The following STK32C variants were observed in gnomAD, a reference collection of about 807,000 sequenced individuals.
The protein encoded by STK32C is serine/threonine kinase 32C, also known as serine/threonine-protein kinase 32C.
STK32C carries 31 observed loss-of-function variants against 56.5 expected under a neutral mutation model. That is an observed-to-expected ratio of 0.55 (90% confidence interval 0.41 to 0.74). The LOEUF (loss-of-function observed/expected upper bound fraction) is 0.74. STK32C is among the 30% of genes least tolerant of loss of function. The pLI, the probability that STK32C is intolerant of heterozygous loss-of-function variation, is 0.00. For missense variants in STK32C, 544 were observed against 676.9 expected (o/e 0.80, Z 2.18); for synonymous variants, 309 against 289.4 (o/e 1.07, Z -0.69).
chr10:132,328,798 C>T (rs1453367128), intron 1 of STK32C, among the ~76,000 whole-genome samples: 1 of 152,232 alleles, frequency 6.6e-6, no homozygotes, highest in Admixed American at 6.5e-5. Context: ...ACTTCTGCAG[C>T]GATATCTGGA....
chr10:132,267,414 G>A (rs2064581652), intron 1 of STK32C, among the ~76,000 whole-genome samples: 1 of 152,298 alleles, frequency 6.6e-6, no homozygotes, highest in Non-Finnish European at 1.5e-5. Flanking sequence ...TATGTTTCTG[G>A]GGCTACAGTT....
At chr10:132,319,247 T>G (rs1406085414), downstream of STK32C, among the ~76,000 whole-genome samples, 1 of 152,150 alleles carries the variant, frequency 6.6e-6, no homozygotes, top group Non-Finnish European at 1.5e-5. Context: ...CCACGCCCAG[T>G]CATGATACAG....
chr10:132,225,819 A>G (rs765326155), intron 4 of STK32C, 35 bp from the exon 5 acceptor site: 2 of 1,606,142 alleles, frequency 1.2e-6, no homozygotes, highest in African/African-American at 1.5e-5. Context: ...GTGAGTTGGG[A>G]ATCTGCCCTG....
intron 2 of STK32C, among the ~76,000 whole-genome samples, chr10:132,233,734 G>A (rs2063178704): frequency 6.6e-6 from 1 of 152,238 alleles, no homozygotes; most frequent in African/African-American, 2.4e-5. Context: ...GCCAGGCAGG[G>A]GCACTCAGCC....
intron 2 of STK32C, among the ~76,000 whole-genome samples, chr10:132,245,074 A>G (rs1047818887): frequency 1.3e-5 from 2 of 152,194 alleles, no homozygotes; most frequent in Admixed American, 6.5e-5. Flanking sequence ...TTTGCTATAC[A>G]ATGAAATGGA....
rs557485636 is a variant in STK32C, at chr10:132,239,562, C to T, written c.318+6338G>A. On this transcript the variant is annotated intron_variant, in intron 2 of 11. Transcript: ENST00000298630. ...CGCAGAGGGCTCCTGCTGCCCTGAG[C>T]GGGGTGGCCAGGCAGTGGGCTGGTG... Among the ~76,000 whole-genome samples, 9 of 152,328 alleles carry T rather than the reference C, an allele frequency of 5.9e-5. No individual in the cohort carries two copies. In the South Asian group the frequency reaches 1.0e-3, roughly 18 times the overall value.
intron 2 of STK32C, among the ~76,000 whole-genome samples, chr10:132,243,862 C>T (rs2063592722): frequency 6.6e-6 from 1 of 152,118 alleles, no homozygotes; most frequent in Admixed American, 6.5e-5. Flanking sequence ...GGGATCCCAC[C>T]CCTCAACCCG....
intron 2 of STK32C, among the ~76,000 whole-genome samples, chr10:132,235,493 T>TCAAAAAAAAAAAAAAAAA: frequency 1.4e-5 from 1 of 72,410 alleles, no homozygotes; most frequent in Non-Finnish European, 2.6e-5. Context: ...AGACTCAGCC[T>TCAAAAAAAAAAAAAAAAA]TAAAAAAAAA....
At chr10:132,208,791 G>A (rs541333401) in intron 11 of STK32C, among the ~76,000 whole-genome samples, 1 of 152,266 alleles carries the variant, frequency 6.6e-6, no homozygotes, top group Middle Eastern at 3.4e-3. Flanking sequence ...CCTCATCTGG[G>A]CAAATGATGT....
intron 1 of STK32C, among the ~76,000 whole-genome samples, chr10:132,284,230 C>T (rs74161769): frequency 0.027 from 3,987 of 149,194 alleles, 180 homozygotes; most frequent in African/African-American, 0.094. Flanking sequence ...TGGGAAGCCC[C>T]GCAGGAAACG....
intron 1 of STK32C, among the ~76,000 whole-genome samples, chr10:132,325,499 G>A (rs1157245820): frequency 6.6e-6 from 1 of 151,058 alleles, no homozygotes; most frequent in Non-Finnish European, 1.5e-5. Flanking sequence ...CTTCCAGTGA[G>A]CCGAGATCGC....
At chr10:132,245,810 G>A in intron 2 of STK32C, 90 bp downstream of exon 2, 1 of 1,315,364 alleles carries the variant, frequency 7.6e-7, no homozygotes, top group East Asian at 2.3e-5. Flanking sequence ...AAGGAGGATG[G>A]GAGTAGGTGG....
chr10:132,284,519 C>G (rs930568709), intron 1 of STK32C, among the ~76,000 whole-genome samples: 1 of 152,068 alleles, frequency 6.6e-6, no homozygotes, highest in Non-Finnish European at 1.5e-5. Context: ...GGACTCTGAG[C>G]ACCCATGACA....
intron 1 of STK32C, among the ~76,000 whole-genome samples, chr10:132,329,406 CCT>C (rs200295361): frequency 0.014 from 2,180 of 152,062 alleles, 42 homozygotes; most frequent in South Asian, 0.042. Flanking sequence ...AGACTGAGAC[CCT>C]GTCTCAAAAA....
At chr10:132,226,659 G>A (rs1330344808) in intron 4 of STK32C, 136 bp downstream of exon 4, 2 of 1,023,156 alleles carry the variant, frequency 2.0e-6, no homozygotes, top group African/African-American at 3.2e-5. Context: ...GCTGGGGGCA[G>A]GCACTCAGGC....
chr10:132,244,929 C>G (rs550919610), intron 2 of STK32C, among the ~76,000 whole-genome samples: 1 of 152,280 alleles, frequency 6.6e-6, no homozygotes, highest in East Asian at 1.9e-4. Context: ...GGTCCACGGG[C>G]GCCTCCCAAC....
intron 10 of STK32C, among the ~76,000 whole-genome samples, chr10:132,220,223 G>A (rs1321747241): frequency 6.6e-6 from 1 of 152,234 alleles, no homozygotes; most frequent in East Asian, 1.9e-4. Context: ...AGGAGATGGA[G>A]ACGCACACAC....
At chr10:132,233,263 C>A (rs891766913) in intron 2 of STK32C, among the ~76,000 whole-genome samples, 1 of 152,068 alleles carries the variant, frequency 6.6e-6, no homozygotes, top group Non-Finnish European at 1.5e-5. Flanking sequence ...GCAGAGGGGT[C>A]CCCCAGGCAG....
At chr10:132,277,767 ACACACATG>A (rs1415833575) in intron 1 of STK32C, among the ~76,000 whole-genome samples, 5 of 152,248 alleles carry the variant, frequency 3.3e-5, no homozygotes, top group African/African-American at 1.2e-4. Flanking sequence ...ACAAGTGCAC[ACACACATG>A]CACACATGCT....
Sources: gnomAD v4.1 joint callset for allele counts (sites outside exome capture counted in the v4.1 genomes callset) on GRCh38, gnomAD v4.1.1 for gene constraint, MANE v1.5 for transcripts, NCBI Gene and HGNC (gene_info 2026-07-23, HGNC 2026-07-21) for gene names.